The following ZFP3 variants were observed in gnomAD, a reference collection of about 807,000 sequenced individuals.
ZFP3 encodes the protein zinc finger protein 3 homolog.
In ZFP3, 18 loss-of-function variants were observed where a neutral mutation model predicts 36.7. That is an observed-to-expected ratio of 0.49 (90% CI 0.34 to 0.73). ZFP3 has a LOEUF of 0.73. Ranked by LOEUF, ZFP3 falls within the 30% of genes least tolerant of loss-of-function variation. The pLI, the probability that ZFP3 is intolerant of heterozygous loss-of-function variation, is 0.01. For synonymous variants in ZFP3, 218 were observed against 199.0 expected, an observed-to-expected ratio of 1.10 and a Z score of -0.81; for missense variants, 495 against 599.0, an observed-to-expected ratio of 0.83 and a Z score of 1.81.
chr17:5,082,875 C>T (rs1035647083), intron 1 of ZFP3, among the ~76,000 whole-genome samples: 3 of 152,088 alleles, frequency 2.0e-5, no homozygotes, highest in African/African-American at 2.4e-5. Flanking sequence ...CAGATTATGC[C>T]GTAATGTTTT....
Position 5,095,325 on chromosome 17 carries a change from T to G in ZFP3, c.*2312T>G, listed in dbSNP as rs775327481. The G allele has an allele frequency of 6.0e-6, 1 of 167,072 alleles. No individual in the cohort carries two copies. The highest frequency in any genetic ancestry group is 1.5e-5 in the Non-Finnish European group (1 of 68,132). 10.3% of individuals were successfully genotyped at this position (167,072 alleles called of 1,614,324 possible). On this transcript the variant is annotated 3_prime_UTR_variant, in exon 2 of 2. Coordinates refer to ENST00000318833, the MANE Select transcript of ZFP3 (RefSeq NM_153018.3). ...CTCTTAGTAAGGGAAGTTGTTTGAT[T>G]TACTTCTTCCCTTAGGTTGATTACA...
rs758884453 is a variant in ZFP3 at position 5,092,116 on chromosome 17, G to A, written c.612G>A (p.Lys204=). The change falls in exon 2 of 2, where the codon AAG becomes AAA. Residue 204 remains lysine, a synonymous_variant. Transcript: ENST00000318833. The surrounding 1 kb of genome is among the most constrained non-coding windows in gnomAD (Gnocchi z 5.0). Reference sequence around the variant, plus strand: ...CCTTTGCTTGTAATGAATGTGGAAAGGCCTTCATTCAGAGTTCACACCTTA... The same window carrying A: ...CCTTTGCTTGTAATGAATGTGGAAAAGCCTTCATTCAGAGTTCACACCTTA... The part of the protein sequence containing the change: ...EKPFACNECG[K]AFIQSSHLIH... 3.1e-6 allele frequency: 5 copies of A among 1,614,166 alleles called. No homozygotes were observed. In the Admixed American group the frequency reaches 5.0e-5, roughly 16 times the overall value.
In ZFP3 at chr17:5,092,785, A is replaced by G. The variant is rs759097635; in HGVS notation, c.1281A>G (p.Ala427=). The G allele has an allele frequency of 8.7e-6, 14 of 1,614,064 alleles. No homozygotes were observed. The highest frequency in any genetic ancestry group is 1.2e-5 in the Non-Finnish European group (14 of 1,180,030). ...AACCCCATCAATGTAATGAGTGTGC[A>G]AGAACCTTTTGGGATAATTCTGAGC... The part of the protein sequence containing the change: ...GEKPHQCNEC[A]RTFWDNSELL... The change falls in exon 2 of 2, where the codon GCA becomes GCG. Residue 427 remains alanine (A), a synonymous_variant. Coordinates refer to ENST00000318833, the MANE Select transcript of ZFP3 (RefSeq NM_153018.3). This position sits in a 1 kb window ranked among gnomAD's most constrained non-coding sequence, Gnocchi z 5.0.
At chr17:5,085,394 AGCCTTGCTCTGTCGCC>A (rs1160064172) in intron 1 of ZFP3, among the ~76,000 whole-genome samples, 4 of 148,466 alleles carry the variant, frequency 2.7e-5, no homozygotes, top group Non-Finnish European at 5.9e-5. Context: ...TTTGAGACGG[AGCCTTGCTCTGTCGCC>A]CAGGCTGGAG....
chr17:5,091,483 C>A lies in ZFP3; in HGVS notation c.-8-14C>A. Reference sequence around the variant, plus strand: ...TGATACGGTCCCTTCACATACTTACCTCTCTCATTTCAGATTGTGAGATGG... The same window carrying A: ...TGATACGGTCCCTTCACATACTTACATCTCTCATTTCAGATTGTGAGATGG... On this transcript the variant is annotated splice_polypyrimidine_tract_variant and intron_variant, in intron 1 of 1. Coordinates refer to ENST00000318833, the MANE Select transcript of ZFP3 (RefSeq NM_153018.3). The A allele has an allele frequency of 1.2e-6, 2 of 1,608,776 alleles. No homozygotes were observed. The highest frequency in any genetic ancestry group is 2.2e-5 in the South Asian group (2 of 90,340).
Position 5,095,380 on chromosome 17 carries a change from A to G in ZFP3, c.*2367A>G, listed in dbSNP as rs914386035. On this transcript the variant is annotated 3_prime_UTR_variant, in exon 2 of 2. Transcript: ENST00000318833. Reference sequence around the variant, plus strand: ...AAGTGCGCCGTCTTATTCCTTTTTCATTGCTGGAGCACAAATTGAATTGTG... The same window carrying G: ...AAGTGCGCCGTCTTATTCCTTTTTCGTTGCTGGAGCACAAATTGAATTGTG... 3 of 166,848 alleles carry G rather than the reference A, an allele frequency of 1.8e-5. No individual in the cohort carries two copies. The highest frequency in any genetic ancestry group is 4.4e-5 in the Non-Finnish European group (3 of 68,076). The allele number at this position is 166,848 out of a possible 1,614,324, so 10.3% of individuals were successfully genotyped here. A position where few individuals can be genotyped will look rare whatever the true frequency, so the allele number is the denominator to read the frequency against.
Position 5,092,230 on chromosome 17 carries a change from A to G in ZFP3, c.726A>G (p.Leu242=), listed in dbSNP as rs1252764378. Residue 242 remains leucine (L), a synonymous_variant, in exon 2 of 2, where the codon CTA becomes CTG. Coordinates refer to ENST00000318833, the MANE Select transcript of ZFP3 (RefSeq NM_153018.3). This position sits in a 1 kb window ranked among gnomAD's most constrained non-coding sequence, Gnocchi z 5.0. The part of the protein sequence containing the change: ...KAFSQNSALI[L]HQRIHTGEKP... ...TCAGTCAAAATTCAGCCCTTATTCT[A>G]CACCAGAGAATCCATACTGGAGAGA... 1 of 1,614,142 alleles carries G rather than the reference A, an allele frequency of 6.2e-7. No homozygotes were observed. Among genetic ancestry groups the G allele is most frequent in the South Asian group, 1.1e-5 (1 of 91,078 alleles).
chr17:5,082,175 G>A (rs1467880918), intron 1 of ZFP3, among the ~76,000 whole-genome samples: 1 of 151,672 alleles, frequency 6.6e-6, no homozygotes, highest in African/African-American at 2.4e-5. Context: ...GTGGAACCCT[G>A]TCTCTACTAA....
chr17:5,083,610 G>A (rs964559430), intron 1 of ZFP3, among the ~76,000 whole-genome samples: 1 of 151,838 alleles, frequency 6.6e-6, no homozygotes, highest in African/African-American at 2.4e-5. Context: ...GAATCACCTA[G>A]GGTACTTGTT....
chr17:5,096,100 C>G lies in ZFP3; in HGVS notation c.*3087C>G, dbSNP rs1163625178. On this transcript the variant is annotated 3_prime_UTR_variant, in exon 2 of 2. Transcript: ENST00000318833. ...TTCTCTTTTCCTTCTGTTTGCCTCCCTCTTCGACTTACTTGGGAGTCAGCA... is the reference window on the plus strand; with the variant it reads ...TTCTCTTTTCCTTCTGTTTGCCTCCGTCTTCGACTTACTTGGGAGTCAGCA... 1 of 167,066 alleles carries G rather than the reference C, an allele frequency of 6.0e-6. No individual in the cohort carries two copies. Among genetic ancestry groups the G allele is most frequent in the Non-Finnish European group, 1.5e-5 (1 of 68,132 alleles). 10.3% of individuals were successfully genotyped at this position (167,066 alleles called of 1,614,324 possible).
rs2072171762 is a variant in ZFP3 at position 5,094,797 on chromosome 17, A to G, written c.*1784A>G. ...ATGATGTGGGTACTCATTTTTTTAA[A>G]GCTTTATGAAGGTATAATTTACGTA... On this transcript the variant is annotated 3_prime_UTR_variant, in exon 2 of 2. Coordinates refer to ENST00000318833, the MANE Select transcript of ZFP3 (RefSeq NM_153018.3). 6.0e-6 allele frequency: 1 copy of G among 166,990 alleles called. No individual in the cohort carries two copies. The highest frequency in any genetic ancestry group is 1.5e-5 in the Non-Finnish European group (1 of 68,086). 10.3% of individuals were successfully genotyped at this position (166,990 alleles called of 1,614,324 possible). A position where few individuals can be genotyped will look rare whatever the true frequency, so the allele number is the denominator to read the frequency against.
intron 1 of ZFP3, among the ~76,000 whole-genome samples, chr17:5,084,357 G>C (rs1474411851): frequency 3.0e-5 from 3 of 101,690 alleles, no homozygotes; most frequent in African/African-American, 3.9e-5. Context: ...CTCACTGCAA[G>C]CTCCGCCTCT....
chr17:5,089,307 T>C (rs1417156667), intron 1 of ZFP3, among the ~76,000 whole-genome samples: 1 of 152,214 alleles, frequency 6.6e-6, no homozygotes, highest in Non-Finnish European at 1.5e-5. Context: ...TATGCCAGTA[T>C]ACTCATGGTC....
intron 1 of ZFP3, among the ~76,000 whole-genome samples, chr17:5,090,795 C>T (rs992698560): frequency 1.3e-5 from 2 of 152,102 alleles, no homozygotes; most frequent in African/African-American, 4.8e-5. Flanking sequence ...CTCAGCCCCC[C>T]AAGAAGCTGG....
intron 1 of ZFP3, among the ~76,000 whole-genome samples, chr17:5,085,641 T>C (rs2072117200): frequency 6.6e-6 from 1 of 152,204 alleles, no homozygotes; most frequent in South Asian, 2.1e-4. Flanking sequence ...GTGCTGGGAT[T>C]ATAGGTGTGA....
At chr17:5,081,744 G>A (rs1372474846) in intron 1 of ZFP3, among the ~76,000 whole-genome samples, 1 of 151,612 alleles carries the variant, frequency 6.6e-6, no homozygotes, top group Non-Finnish European at 1.5e-5. Flanking sequence ...TGGGACTACA[G>A]GTGCCTGCCA....
chr17:5,083,407 A>G (rs1003754741), intron 1 of ZFP3, among the ~76,000 whole-genome samples: 1 of 152,040 alleles, frequency 6.6e-6, no homozygotes, highest in African/African-American at 2.4e-5. Flanking sequence ...AAAATACAAA[A>G]TTAGCCAGGC....
At chr17:5,084,562 A>T (rs1245878586) in intron 1 of ZFP3, among the ~76,000 whole-genome samples, 2 of 151,918 alleles carry the variant, frequency 1.3e-5, no homozygotes, top group Admixed American at 1.3e-4. Flanking sequence ...GGCGTGAGCC[A>T]CCGCGCCCGG....
rs61053618 is a variant in ZFP3 at position 5,093,175 on chromosome 17, CTTTT to C, written c.*177_*180del. ...ATAGTTGGTTGAAGAAGATGAGGCA[CTTTT>C]TTTTTTTTTTTTTTAAGCATTGGGG... is the stretch of plus-strand genomic sequence containing the variant. On this transcript the variant is annotated 3_prime_UTR_variant, in exon 2 of 2. Coordinates refer to ENST00000318833, the MANE Select transcript of ZFP3 (RefSeq NM_153018.3). The C allele has an allele frequency of 0.01, 5,010 of 481,564 alleles. No individual in the cohort carries two copies. The highest frequency in any genetic ancestry group is 0.017 in the South Asian group (437 of 25,410). 29.8% of individuals were successfully genotyped at this position (481,564 alleles called of 1,614,324 possible).
Sources: allele counts gnomAD v4.1 joint callset (sites outside exome capture counted in the v4.1 genomes callset), GRCh38; gene constraint gnomAD v4.1.1; non-coding constraint Gnocchi (gnomAD v3.1); transcripts MANE v1.5; gene names NCBI Gene and HGNC (gene_info 2026-07-23, HGNC 2026-07-21).